KANK1: variants seen among roughly 807,000 people sequenced by gnomAD.
KANK1 encodes KN motif and ankyrin repeat domains 1.
KANK1 carries 109 observed loss-of-function variants against 106.2 expected under a neutral mutation model. The observed-to-expected ratio is 1.03, with a 90% CI of 0.88 to 1.20. The LOEUF (loss-of-function observed/expected upper bound fraction) is 1.20, where lower values mean the gene tolerates loss of function less well. Among genes scored for constraint, KANK1 ranks in the 50% most tolerant of loss-of-function variants. KANK1 has a pLI of 0.00. For missense variants in KANK1, 2,399 were observed against 1,710.7 expected (o/e 1.40, Z -7.10); for synonymous variants, 873 against 652.2 (o/e 1.34, Z -5.16).
In KANK1 at chr9:526,642, A is replaced by G. The variant is rs1401731087; in HGVS notation, c.-84+21888A>G. Among the ~76,000 whole-genome samples the G allele has an allele frequency of 1.3e-5, 2 of 151,860 alleles. 1 individual carries two copies. The highest frequency in any genetic ancestry group is 4.9e-5 in the African/African-American group (2 of 41,122). The stretch of plus-strand genomic sequence containing the variant: ...ATACTTCAAAAAGTCAAGTTGTTCT[A>G]CAAAACCGTCCATGAAAACAGTAGC... On this transcript the variant is annotated intron_variant, in intron 1 of 11. Transcript: ENST00000382297.
chr9:667,812 A>G (rs1359757968), intron 1 of KANK1, among the ~76,000 whole-genome samples: 5 of 149,730 alleles, frequency 3.3e-5, no homozygotes. Context: ...GCAATCTGCA[A>G]CCTCCACCTC....
chr9:605,892 A>G (rs922339614), intron 1 of KANK1, among the ~76,000 whole-genome samples: 4 of 151,670 alleles, frequency 2.6e-5, no homozygotes, highest in Non-Finnish European at 5.9e-5. Flanking sequence ...TAACTGGCCC[A>G]TACACCAGAT....
chr9:526,055 C>T (rs1444174446), intron 1 of KANK1, among the ~76,000 whole-genome samples: 1 of 151,726 alleles, frequency 6.6e-6, no homozygotes, highest in African/African-American at 2.4e-5. Context: ...TCCCTCTCTG[C>T]CTCTGAGGAG....
intron 1 of KANK1, among the ~76,000 whole-genome samples, chr9:639,990 C>T (rs1245308438): frequency 6.6e-6 from 1 of 152,100 alleles, no homozygotes; most frequent in Non-Finnish European, 1.5e-5. Context: ...TAATGCCATC[C>T]CGTTGAAGGT....
At position 745,485 on chromosome 9, in the gene KANK1, C is replaced by T. The variant is rs1169087274; in HGVS notation, c.*250C>T. ...TCTCTGTTGCTGTTGAGTCTCTGCT[C>T]CGTTTTGTACAGTCACAGGGAATTC... is the stretch of plus-strand genomic sequence containing the variant. On this transcript the variant is annotated 3_prime_UTR_variant, in exon 12 of 12. Coordinates refer to ENST00000382297, the MANE Select transcript of KANK1 (RefSeq NM_015158.5). The T allele has an allele frequency of 7.6e-6, 3 of 395,508 alleles. No homozygotes were observed. The East Asian group carries it at 1.4e-4, about 19-fold the overall frequency. The allele number at this position is 395,508 out of a possible 1,614,324, so 24.5% of individuals were successfully genotyped here. A position where few individuals can be genotyped will look rare whatever the true frequency, so the allele number is the denominator to read the frequency against.
chr9:703,922 C>T (rs989337646), intron 2 of KANK1, among the ~76,000 whole-genome samples: 23 of 152,120 alleles, frequency 1.5e-4, no homozygotes, highest in Non-Finnish European at 2.6e-4. Context: ...CCATGTTGGA[C>T]AGACTGGTCT....
chr9:631,135 G>C (rs1046645110), intron 1 of KANK1, among the ~76,000 whole-genome samples: 1 of 152,094 alleles, frequency 6.6e-6, no homozygotes, highest in African/African-American at 2.4e-5. Context: ...AATACGTTTT[G>C]CATTGTACCA....
chr9:740,459 G>A (rs1396105436), intron 8 of KANK1, among the ~76,000 whole-genome samples: 2 of 152,172 alleles, frequency 1.3e-5, no homozygotes, highest in African/African-American at 4.8e-5. Flanking sequence ...TGAGTGCCTA[G>A]ATTCCAAAAA....
At chr9:568,253 T>G (rs935275751) in intron 1 of KANK1, among the ~76,000 whole-genome samples, 1 of 152,212 alleles carries the variant, frequency 6.6e-6, no homozygotes, top group Non-Finnish European at 1.5e-5. Context: ...ATATAGTCCC[T>G]TCCATTCATT....
At chr9:671,428 A>C (rs9408667) in intron 1 of KANK1, among the ~76,000 whole-genome samples, 80,503 of 150,730 alleles carry the variant, frequency 0.53, 22,181 homozygotes, top group East Asian at 0.66. Flanking sequence ...TGCAGATCAC[A>C]AGGTCAGGAG....
intron 1 of KANK1, among the ~76,000 whole-genome samples, chr9:638,227 G>T (rs1837592050): frequency 6.6e-6 from 1 of 152,138 alleles, no homozygotes. Flanking sequence ...AAACTGAATG[G>T]CATATAAAGA....
At chr9:534,977 A>C (rs1264148624) in intron 1 of KANK1, among the ~76,000 whole-genome samples, 1 of 152,144 alleles carries the variant, frequency 6.6e-6, no homozygotes, top group East Asian at 1.9e-4. Flanking sequence ...AGAGAATTTA[A>C]AATGATGTCT....
At chr9:514,143 C>T (rs926958260) in intron 1 of KANK1, among the ~76,000 whole-genome samples, 961 of 66,926 alleles carry the variant, frequency 0.014, 13 homozygotes, top group African/African-American at 0.056. Context: ...TCCCTCCCTC[C>T]CTTCCTCTCT....
chr9:617,308 C>G (rs898688406), intron 1 of KANK1, among the ~76,000 whole-genome samples: 2 of 152,204 alleles, frequency 1.3e-5, no homozygotes, highest in South Asian at 2.1e-4. Context: ...CAAAACCAGA[C>G]ATGTCTTTTG....
chr9:544,637 G>A lies in KANK1; in HGVS notation c.-84+39883G>A, dbSNP rs573824970. Among the ~76,000 whole-genome samples, 56 of 152,210 alleles carry A rather than the reference G, an allele frequency of 3.7e-4. 1 individual carries two copies. Among genetic ancestry groups the A allele is most frequent in the Middle Eastern group, 3.4e-3 (1 of 294 alleles). ...GTAAGCGCTCTGATAGGGGAAGTACGGGCTGTTATGGGCGCTTCATACTGG... is the reference window on the plus strand; with the variant it reads ...GTAAGCGCTCTGATAGGGGAAGTACAGGCTGTTATGGGCGCTTCATACTGG... On this transcript the variant is annotated intron_variant, in intron 1 of 11. Coordinates refer to ENST00000382297, the MANE Select transcript of KANK1 (RefSeq NM_015158.5).
chr9:525,403 C>A (rs2059745054), intron 1 of KANK1, among the ~76,000 whole-genome samples: 1 of 146,884 alleles, frequency 6.8e-6, no homozygotes, highest in South Asian at 2.1e-4. Context: ...GAGACAGAGT[C>A]TTGCTCTGTG....
intron 1 of KANK1, among the ~76,000 whole-genome samples, chr9:522,577 G>A (rs527254080): frequency 6.6e-6 from 1 of 151,716 alleles, no homozygotes; most frequent in African/African-American, 2.4e-5. Flanking sequence ...GTACCCCAGG[G>A]TTTGTTCTCC....
chr9:630,078 T>G (rs1333107154), intron 1 of KANK1, among the ~76,000 whole-genome samples: 2 of 151,624 alleles, frequency 1.3e-5, no homozygotes, highest in Non-Finnish European at 2.9e-5. Context: ...CAAAACGCTG[T>G]CTCCACTAGA....
intron 2 of KANK1, among the ~76,000 whole-genome samples, chr9:689,142 T>C (rs1343972947): frequency 6.6e-6 from 1 of 152,178 alleles, no homozygotes. Flanking sequence ...GATGAAAATA[T>C]ATTATGAGAC....
Sources: gnomAD v4.1 joint callset for allele counts (sites outside exome capture counted in the v4.1 genomes callset) on GRCh38, gnomAD v4.1.1 for gene constraint, MANE v1.5 for transcripts, NCBI Gene and HGNC (gene_info 2026-07-23, HGNC 2026-07-21) for gene names.